Variants in RTP2 observed in about 807,000 individuals in gnomAD.
RTP2 encodes receptor-transporting protein 2.
In RTP2, 12 loss-of-function variants were observed where a neutral mutation model predicts 17.9. That is an observed-to-expected ratio of 0.67 (90% CI 0.43 to 1.09). The LOEUF (loss-of-function observed/expected upper bound fraction) is 1.09, where lower values mean the gene tolerates loss of function less well. Ranked by LOEUF, RTP2 falls within the 50% of genes least tolerant of loss-of-function variation. The pLI, the probability that RTP2 is intolerant of heterozygous loss-of-function variation, is 0.00. For missense variants in RTP2, 327 were observed against 295.7 expected, an observed-to-expected ratio of 1.11 and a Z score of -0.78; for synonymous variants, 126 against 117.7, an observed-to-expected ratio of 1.07 and a Z score of -0.46.
At chr3:187,699,729 C>CCACACA (rs1328615413) in intron 1 of RTP2, among the ~76,000 whole-genome samples, 194 of 116,484 alleles carry the variant, frequency 1.7e-3, no homozygotes, top group African/African-American at 2.1e-3. Context: ...CATTGCCACT[C>CCACACA]CACACACACA....
At chr3:187,710,596 A>G in the RTP2 span, among the ~76,000 whole-genome samples, 1 of 149,840 alleles carries the variant, frequency 6.7e-6, no homozygotes, top group Non-Finnish European at 1.5e-5. Flanking sequence ...GTGTGTATAT[A>G]TTACCTAAAT....
chr3:187,701,992 T>C (rs1717861976), exon 1 of RTP2: 2 of 1,609,884 alleles, frequency 1.2e-6, no homozygotes, highest in Admixed American at 3.3e-5. Flanking sequence ...CTCCAGGTAC[T>C]GCTTCCAGCC....
intron 1 of RTP2, among the ~76,000 whole-genome samples, chr3:187,700,634 A>T (rs1176344208): frequency 4.6e-5 from 7 of 152,182 alleles, no homozygotes; most frequent in African/African-American, 1.7e-4. Flanking sequence ...CCAACCCAGA[A>T]TTGCTTCACC....
upstream of RTP2, among the ~76,000 whole-genome samples, chr3:187,706,608 T>C (rs1295911816): frequency 1.3e-5 from 2 of 152,186 alleles, no homozygotes; most frequent in Non-Finnish European, 2.9e-5. Flanking sequence ...AATATTTCTT[T>C]TCTTTTTTTT....
exon 2 of RTP2, chr3:187,698,716 A>T: frequency 6.2e-7 from 1 of 1,613,894 alleles, no homozygotes; most frequent in East Asian, 2.2e-5. Flanking sequence ...GCCTCACAGA[A>T]CTCTGCACGA....
upstream of RTP2, among the ~76,000 whole-genome samples, chr3:187,703,930 C>A (rs1717924703): frequency 6.6e-6 from 1 of 151,978 alleles, no homozygotes; most frequent in African/African-American, 2.4e-5. Context: ...AAGCAGAGAC[C>A]AATAGAATTC....
chr3:187,702,714 C>T (rs979303035), upstream of RTP2, among the ~76,000 whole-genome samples: 5 of 152,204 alleles, frequency 3.3e-5, no homozygotes. Flanking sequence ...GTTTATGCAA[C>T]CCCTAAGTGG....
upstream of RTP2, among the ~76,000 whole-genome samples, chr3:187,706,751 C>A (rs1718001703): frequency 6.6e-6 from 1 of 152,114 alleles, no homozygotes; most frequent in Non-Finnish European, 1.5e-5. Flanking sequence ...CACAGACGTG[C>A]ACCAGCACAC....
the RTP2 span, among the ~76,000 whole-genome samples, chr3:187,712,926 C>G: frequency 6.6e-6 from 1 of 152,176 alleles, no homozygotes; most frequent in African/African-American, 2.4e-5. Context: ...GTTTCCTGAC[C>G]AAGGCCAGTA....
At chr3:187,712,781 A>C in the RTP2 span, among the ~76,000 whole-genome samples, 1 of 152,320 alleles carries the variant, frequency 6.6e-6, no homozygotes, top group African/African-American at 2.4e-5. Context: ...ACCCCTAGTG[A>C]GAGCAATCTC....
At chr3:187,705,251 T>C (rs1717962636), upstream of RTP2, among the ~76,000 whole-genome samples, 1 of 152,190 alleles carries the variant, frequency 6.6e-6, no homozygotes, top group African/African-American at 2.4e-5. Flanking sequence ...CAGCCTATGC[T>C]GCTTCTGTCC....
rs779757917 is a variant in RTP2 at position 187,698,595 on chromosome 3, T to C, written c.581A>G (p.Tyr194Cys). 8.1e-6 allele frequency: 13 copies of C among 1,614,118 alleles called. No individual in the cohort carries two copies. In the African/African-American group the frequency reaches 1.5e-4, roughly 18 times the overall value. The change falls in exon 2 of 2, where the codon TAC (tyrosine) becomes TGC (cysteine). Residue 194 changes from tyrosine to cysteine, a missense_variant. Coordinates refer to ENST00000358241, the Ensembl canonical transcript of RTP2. The stretch of plus-strand genomic sequence containing the variant: ...GCACCAGCGAAGAGACAAGAAGTTG[T>C]AGCCGGATCCCGCCTGGGCCCTCGG...
chr3:187,701,620 A>G (rs567581128), intron 1 of RTP2, among the ~76,000 whole-genome samples: 1 of 152,312 alleles, frequency 6.6e-6, no homozygotes, highest in African/African-American at 2.4e-5. Flanking sequence ...CAACTCCTAG[A>G]TTAAAACTTT....
chr3:187,712,051 A>G, the RTP2 span, among the ~76,000 whole-genome samples: 3 of 152,206 alleles, frequency 2.0e-5, no homozygotes, highest in African/African-American at 7.2e-5. Context: ...GAACTGCTGT[A>G]TATCTTGGTT....
intron 1 of RTP2, among the ~76,000 whole-genome samples, chr3:187,700,312 G>T (rs1319072116): frequency 6.6e-6 from 1 of 152,242 alleles, no homozygotes; most frequent in Non-Finnish European, 1.5e-5. Context: ...TGAACCAGGA[G>T]AGGTTCCCCG....
chr3:187,699,569 G>A (rs979707141), intron 1 of RTP2, among the ~76,000 whole-genome samples: 3 of 152,020 alleles, frequency 2.0e-5, no homozygotes, highest in African/African-American at 7.2e-5. Flanking sequence ...GGACAGACCG[G>A]TAGATGGGTA....
chr3:187,698,523 G>A lies in RTP2; in HGVS notation c.653C>T (p.Ser218Phe), dbSNP rs1188421281. Residue 218 changes from serine (S) to phenylalanine (F), a missense_variant, in exon 2 of 2, where the codon TCC becomes TTC. Transcript: ENST00000358241. ...CTAAAAGAAGGCAGGACTGAGGAAG[G>A]AGAACTGCAGGTAAACAACGAGCAG... 2.5e-6 allele frequency: 4 copies of A among 1,612,270 alleles called. No homozygotes were observed. The highest frequency in any genetic ancestry group is 3.3e-4 in the Middle Eastern group (2 of 6,070).
At chr3:187,708,456 G>T in the RTP2 span, among the ~76,000 whole-genome samples, 46 of 152,320 alleles carry the variant, frequency 3.0e-4, no homozygotes, top group African/African-American at 1.1e-3. Context: ...AAACTCTTAA[G>T]ATTCAGTCCA....
chr3:187,698,733 C>T (rs1273171796), exon 2 of RTP2: 2 of 1,614,050 alleles, frequency 1.2e-6, no homozygotes, highest in Non-Finnish European at 1.7e-6. Context: ...ACGATGCGGC[C>T]CGCTGTCCGG....
Sources: gnomAD v4.1 joint callset for allele counts (sites outside exome capture counted in the v4.1 genomes callset) on GRCh38, gnomAD v4.1.1 for gene constraint, MANE v1.5 for transcripts, NCBI Gene and HGNC (gene_info 2026-07-23, HGNC 2026-07-21) for gene names.